SLC12A1: variants seen among roughly 807,000 people sequenced by gnomAD.
SLC12A1 encodes solute carrier family 12 member 1, also known as Na-K-2Cl cotransporter.
A neutral mutation model predicts 130.4 loss-of-function variants in SLC12A1; 89 were observed. The ratio of observed to expected loss-of-function variants is 0.68; its 90% CI spans 0.58 to 0.81. The LOEUF (loss-of-function observed/expected upper bound fraction) is 0.81, where lower values mean the gene tolerates loss of function less well. Ranked by LOEUF, SLC12A1 falls within the 40% of genes least tolerant of loss-of-function variation. The pLI, the probability that SLC12A1 is intolerant of heterozygous loss-of-function variation, is 0.00. For synonymous variants in SLC12A1, 499 were observed against 460.0 expected, an observed-to-expected ratio of 1.08 and a Z score of -1.09; for missense variants, 1,310 against 1,336.4, an observed-to-expected ratio of 0.98 and a Z score of 0.31.
chr15:48,207,545 A>T lies in SLC12A1; in HGVS notation c.-175A>T, dbSNP rs973577323. 4.3e-6 allele frequency: 2 copies of T among 463,406 alleles called. No individual in the cohort carries two copies. Among genetic ancestry groups the T allele is most frequent in the East Asian group, 3.3e-5 (1 of 30,190 alleles). 28.7% of individuals were successfully genotyped at this position (463,406 alleles called of 1,614,324 possible). ...TTTTTCAATGACAGCTTTGAAGAAC[A>T]TCCTGAAGATTATATCGGAGACAAT... is the stretch of plus-strand genomic sequence containing the variant. On this transcript the variant is annotated 5_prime_UTR_variant, in exon 2 of 27. Coordinates refer to ENST00000380993, the MANE Select transcript of SLC12A1 (RefSeq NM_000338.3).
Position 48,235,005 on chromosome 15 carries a change from G to A in SLC12A1, c.1215+1G>A, listed in dbSNP as rs2041424060. 1 of 1,613,720 alleles carries A rather than the reference G, an allele frequency of 6.2e-7. No homozygotes were observed. Among genetic ancestry groups the A allele is most frequent in the Non-Finnish European group, 8.5e-7 (1 of 1,179,834 alleles). On this transcript the variant is annotated splice_donor_variant, in intron 9 of 26. Coordinates refer to ENST00000380993, the MANE Select transcript of SLC12A1 (RefSeq NM_000338.3). LOFTEE classifies it high-confidence loss of function. Reference sequence around the variant, plus strand: ...TGCCAATATCTCAGGAGATTTGGAGGTACGTTGTTTGCTCTGCTTTGCAGT... The same window carrying A: ...TGCCAATATCTCAGGAGATTTGGAGATACGTTGTTTGCTCTGCTTTGCAGT...
At chr15:48,239,024 T>C (rs1316529745) in intron 9 of SLC12A1, among the ~76,000 whole-genome samples, 1 of 152,180 alleles carries the variant, frequency 6.6e-6, no homozygotes, top group Admixed American at 6.5e-5. Flanking sequence ...AGGAAAAATA[T>C]AATGTCTAAT....
chr15:48,216,159 C>T (rs752583431), intron 2 of SLC12A1, among the ~76,000 whole-genome samples: 35 of 152,250 alleles, frequency 2.3e-4, no homozygotes, highest in Non-Finnish European at 3.8e-4. Context: ...CCTACATTGA[C>T]TACACCTTTG....
intron 9 of SLC12A1, among the ~76,000 whole-genome samples, chr15:48,236,280 A>G (rs2041439550): frequency 6.6e-6 from 1 of 152,232 alleles, no homozygotes. Flanking sequence ...TACTGAACAA[A>G]TAATTGTTAA....
At chr15:48,213,197 A>G (rs1041987255) in intron 2 of SLC12A1, among the ~76,000 whole-genome samples, 1 of 152,190 alleles carries the variant, frequency 6.6e-6, no homozygotes, top group African/African-American at 2.4e-5. Flanking sequence ...CTTCAGTTCT[A>G]CTTTCCATCC....
chr15:48,267,916 C>T (rs1002944949), intron 18 of SLC12A1, among the ~76,000 whole-genome samples: 5 of 152,100 alleles, frequency 3.3e-5, no homozygotes, highest in Middle Eastern at 3.2e-3. Context: ...ACACTGGAAA[C>T]GGAAAATGAG....
At chr15:48,264,259 T>C (rs1482948993) in intron 17 of SLC12A1, among the ~76,000 whole-genome samples, 2 of 152,214 alleles carry the variant, frequency 1.3e-5, no homozygotes, top group Admixed American at 1.3e-4. Context: ...ACTTTTACCC[T>C]GTTTCTTTTT....
intron 23 of SLC12A1, among the ~76,000 whole-genome samples, chr15:48,289,911 T>C (rs1052231192): frequency 9.9e-5 from 15 of 152,150 alleles, no homozygotes; most frequent in Admixed American, 7.2e-4. Context: ...ACAAAATTTA[T>C]ACAAAAATAC....
intron 2 of SLC12A1, among the ~76,000 whole-genome samples, chr15:48,215,351 ATACT>A (rs1262724560): frequency 1.3e-5 from 2 of 152,234 alleles, no homozygotes; most frequent in Admixed American, 1.3e-4. Context: ...TTTTTTAAAC[ATACT>A]TTATTTTACT....
rs1250422621 is a variant in SLC12A1, at chr15:48,227,237, A to G, written c.724+666A>G. ...TACTAGTAATGTCTGGAGTTAATTT[A>G]CTATTGGAAGTGAAAGTAACATATT... On this transcript the variant is annotated intron_variant, in intron 5 of 26. Transcript: ENST00000380993. 36 of 1,131,450 alleles carry G rather than the reference A, an allele frequency of 3.2e-5. No individual in the cohort carries two copies. In the East Asian group the frequency reaches 9.0e-4, roughly 28 times the overall value. 70.1% of individuals were successfully genotyped at this position (1,131,450 alleles called of 1,614,324 possible).
intron 16 of SLC12A1, among the ~76,000 whole-genome samples, chr15:48,256,974 C>G (rs1297742531): frequency 6.6e-6 from 1 of 152,190 alleles, no homozygotes; most frequent in East Asian, 1.9e-4. Context: ...GCCTATGAGT[C>G]TGTAAAATCA....
intron 2 of SLC12A1, among the ~76,000 whole-genome samples, chr15:48,220,346 T>G (rs2041194898): frequency 6.6e-6 from 1 of 152,204 alleles, no homozygotes; most frequent in South Asian, 2.1e-4. Context: ...TGTGCTAAAC[T>G]TATCCAAATC....
At chr15:48,283,954 A>C (rs757976743) in intron 20 of SLC12A1, among the ~76,000 whole-genome samples, 2 of 152,242 alleles carry the variant, frequency 1.3e-5, no homozygotes, top group Admixed American at 1.3e-4. Context: ...GTGCAGGGTG[A>C]GGTCAAAGAG....
chr15:48,251,750 A>T lies in SLC12A1; in HGVS notation c.1922A>T (p.Tyr641Phe). 2 of 1,613,912 alleles carry T rather than the reference A, an allele frequency of 1.2e-6. No individual in the cohort carries two copies. Among genetic ancestry groups the T allele is most frequent in the Non-Finnish European group, 1.7e-6 (2 of 1,179,850 alleles). ...GTCATTGAATTCTTCCTTTACGTCT[A>T]TGTGACTTGTAAGAAGCCAGGTAAG... is the stretch of plus-strand genomic sequence containing the variant. Reference protein sequence around the residue: ...TYVIEFFLYVYVTCKKPDVNW... With the variant: ...TYVIEFFLYVFVTCKKPDVNW... The change falls in exon 15 of 27, where the codon TAT becomes TTT. Residue 641 changes from tyrosine (Y) to phenylalanine (F), a missense_variant. Coordinates refer to ENST00000380993, the MANE Select transcript of SLC12A1 (RefSeq NM_000338.3).
In SLC12A1 at chr15:48,234,985, A is replaced by G. The variant is rs890948286; in HGVS notation, c.1196A>G (p.Asn399Ser). Residue 399 changes from asparagine (N) to serine (S), a missense_variant, in exon 9 of 27, where the codon AAT (asparagine) becomes AGT (serine). Transcript: ENST00000380993. ...GCTACTGGGATTCTTGCTGGTGCCA[A>G]TATCTCAGGAGATTTGGAGGTACGT... Reference protein sequence around the residue: ...PAATGILAGANISGDLEDPQD... With the variant: ...PAATGILAGASISGDLEDPQD... The G allele has an allele frequency of 1.8e-5, 29 of 1,613,742 alleles. No homozygotes were observed. The highest frequency in any genetic ancestry group is 1.6e-4 in the Middle Eastern group (1 of 6,072).
At chr15:48,250,603 G>T (rs931856063) in intron 14 of SLC12A1, among the ~76,000 whole-genome samples, 5 of 151,310 alleles carry the variant, frequency 3.3e-5, no homozygotes, top group African/African-American at 1.2e-4. Flanking sequence ...GGGAAAGAAG[G>T]AGAGAGACAG....
chr15:48,220,522 G>A, intron 2 of SLC12A1, 112 bp from the exon 3 acceptor site: 1 of 1,064,868 alleles, frequency 9.4e-7, no homozygotes, highest in Non-Finnish European at 1.3e-6. Context: ...TAGTTTGGGG[G>A]TTTTTTGGTA....
chr15:48,227,052 A>AAACACCT, intron 5 of SLC12A1: 1 of 1,514,854 alleles, frequency 6.6e-7, no homozygotes. Flanking sequence ...TACTGGAACC[A>AAACACCT]AACACCTTTC....
chr15:48,287,843 A>C (rs910202909), intron 21 of SLC12A1, among the ~76,000 whole-genome samples, 200 bp from the exon 22 acceptor site: 2 of 152,178 alleles, frequency 1.3e-5, no homozygotes, highest in African/African-American at 4.8e-5. Flanking sequence ...TCAATATTTT[A>C]TTTAACTATT....
Sources: allele counts gnomAD v4.1 joint callset (sites outside exome capture counted in the v4.1 genomes callset), GRCh38; gene constraint gnomAD v4.1.1; transcripts MANE v1.5; gene names NCBI Gene and HGNC (gene_info 2026-07-23, HGNC 2026-07-21).